The following MAST2 variants were observed in gnomAD, a reference collection of about 807,000 sequenced individuals.
MAST2 encodes microtubule associated serine/threonine kinase 2, also known as microtubule-associated serine/threonine-protein kinase 2.
A neutral mutation model predicts 147.4 loss-of-function variants in MAST2; 70 were observed. That is an observed-to-expected ratio of 0.47 (90% CI 0.39 to 0.58). MAST2 has a LOEUF of 0.58. Ranked by LOEUF, MAST2 falls within the 20% of genes least tolerant of loss-of-function variation. MAST2 has a pLI of 0.00. For synonymous variants in MAST2, 869 were observed against 896.8 expected (o/e 0.97, Z 0.55); for missense variants, 2,080 against 2,302.3 (o/e 0.90, Z 1.98).
chr1:46,006,595 C>CA, intron 8 of MAST2, 200 bp downstream of exon 8: 1 of 389,642 alleles, frequency 2.6e-6, no homozygotes, highest in South Asian at 1.3e-4. Context: ...ACTTTATTTA[C>CA]AAAAGAAAAA....
intron 26 of MAST2, 118 bp downstream of exon 26, chr1:46,032,836 T>C: frequency 7.1e-7 from 1 of 1,398,910 alleles, no homozygotes; most frequent in Non-Finnish European, 9.7e-7. Flanking sequence ...AGTATGGATG[T>C]AGGTACACAC....
intron 4 of MAST2, among the ~76,000 whole-genome samples, chr1:45,896,558 G>A (rs1366924210): frequency 1.3e-5 from 2 of 152,112 alleles, no homozygotes; most frequent in Non-Finnish European, 2.9e-5. Flanking sequence ...TGCCCCAGGT[G>A]TAGGGTGGAA....
At chr1:46,034,468 C>G (rs190232466) in intron 28 of MAST2, 70 bp from the exon 29 acceptor site, 20 of 1,490,510 alleles carry the variant, frequency 1.3e-5, no homozygotes, top group Non-Finnish European at 1.8e-5. Context: ...CCCTGTCTTG[C>G]CCTTGAGTCA....
chr1:45,989,692 CAGAGT>C lies in MAST2; in HGVS notation c.593-8028_593-8024del, dbSNP rs1644785515. On this transcript the variant is annotated intron_variant, in intron 5 of 28. Transcript: ENST00000361297. ...ACGTATCTGCCACTACAGTATCATACAGAGTAGATTTATTTCCCTAAAATAGTGCA... is the reference window on the plus strand; with the variant it reads ...ACGTATCTGCCACTACAGTATCATACAGATTTATTTCCCTAAAATAGTGCA... Among the ~76,000 whole-genome samples, 3 of 152,156 alleles carry C rather than the reference CAGAGT, an allele frequency of 2.0e-5. No individual in the cohort carries two copies. The South Asian group carries it at 6.2e-4, about 32-fold the overall frequency.
chr1:46,021,601 G>C (rs540126726), intron 11 of MAST2, among the ~76,000 whole-genome samples: 1 of 152,162 alleles, frequency 6.6e-6, no homozygotes, highest in African/African-American at 2.4e-5. Context: ...GTGTGTGCCA[G>C]GACAGCTGTG....
chr1:46,025,753 T>C lies in MAST2; in HGVS notation c.1857T>C (p.Thr619=). 2 of 1,614,222 alleles carry C rather than the reference T, an allele frequency of 1.2e-6. No individual in the cohort carries two copies. Among genetic ancestry groups the C allele is most frequent in the Non-Finnish European group, 1.7e-6 (2 of 1,180,028 alleles). The change falls in exon 16 of 29, where the codon ACT becomes ACC. Residue 619 remains threonine, a synonymous_variant. Coordinates refer to ENST00000361297, the MANE Select transcript of MAST2 (RefSeq NM_015112.3). ...TGGTGCGTCTATACTTTGCGGAAAC[T>C]GTGCTGGCCCTGGAGTACTTACACA... ...VDMVRLYFAE[T]VLALEYLHNY... is the part of the protein sequence containing the mutation.
intron 3 of MAST2, among the ~76,000 whole-genome samples, chr1:45,843,682 A>G (rs1645343931): frequency 6.6e-6 from 1 of 152,244 alleles, no homozygotes; most frequent in Admixed American, 6.5e-5. Flanking sequence ...TATTCAACTT[A>G]GATAAGAACT....
chr1:45,992,132 C>G (rs148562515), intron 5 of MAST2, among the ~76,000 whole-genome samples: 2 of 152,056 alleles, frequency 1.3e-5, no homozygotes, highest in African/African-American at 4.8e-5. Context: ...AGAAAAAATA[C>G]CCGGATTCTC....
intron 3 of MAST2, among the ~76,000 whole-genome samples, chr1:45,858,963 G>A (rs78271836): frequency 3.3e-5 from 5 of 152,160 alleles, no homozygotes; most frequent in East Asian, 3.9e-4. Context: ...TGTTCCATTG[G>A]TCTATATCTC....
intron 2 of MAST2, among the ~76,000 whole-genome samples, chr1:45,827,603 A>T (rs1490061196): frequency 6.6e-6 from 1 of 152,180 alleles, no homozygotes; most frequent in Admixed American, 6.5e-5. Flanking sequence ...GAAGGCAGGC[A>T]GGCTCTACTC....
intron 3 of MAST2, among the ~76,000 whole-genome samples, chr1:45,860,056 C>T (rs1317926343): frequency 6.6e-6 from 1 of 152,028 alleles, no homozygotes; most frequent in Non-Finnish European, 1.5e-5. Flanking sequence ...AGCATATCCA[C>T]ATTGATAAAA....
intron 4 of MAST2, among the ~76,000 whole-genome samples, chr1:45,947,991 C>T (rs1658334276): frequency 6.6e-6 from 1 of 152,224 alleles, no homozygotes; most frequent in Non-Finnish European, 1.5e-5. Flanking sequence ...GCTGGGATTA[C>T]AGGCATGAGC....
At chr1:45,981,862 A>G (rs1312263052) in intron 5 of MAST2, among the ~76,000 whole-genome samples, 3 of 100,638 alleles carry the variant, frequency 3.0e-5, no homozygotes, top group East Asian at 6.5e-4. Context: ...TTTTTTTTTG[A>G]AAGAGTCTTG....
chr1:45,920,447 T>G (rs1188173533), intron 4 of MAST2, among the ~76,000 whole-genome samples: 1 of 152,216 alleles, frequency 6.6e-6, no homozygotes, highest in African/African-American at 2.4e-5. Context: ...TTTGCATGTT[T>G]CCCATCGGTC....
In MAST2 at chr1:45,838,519, A is replaced by G. The variant is rs113898427; in HGVS notation, c.468+8938A>G. Reference sequence around the variant, plus strand: ...ATTACAGGTGTCAGCCAATGCGCCCAGTCAGCTATTTTTATATATATACAT... The same window carrying G: ...ATTACAGGTGTCAGCCAATGCGCCCGGTCAGCTATTTTTATATATATACAT... On this transcript the variant is annotated intron_variant, in intron 3 of 28. Transcript: ENST00000361297. 6.5e-3 allele frequency among the ~76,000 whole-genome samples: 991 copies of G among 152,218 alleles called. 11 individuals carry two copies. The highest frequency in any genetic ancestry group is 0.023 in the African/African-American group (948 of 41,540).
At chr1:46,016,834 C>A (rs1645968228) in intron 10 of MAST2, among the ~76,000 whole-genome samples, 1 of 152,126 alleles carries the variant, frequency 6.6e-6, no homozygotes, top group Non-Finnish European at 1.5e-5. Flanking sequence ...CTTTAAAGTT[C>A]ATATGGAACC....
chr1:45,853,714 CTCTT>C (rs1395282553), intron 3 of MAST2, among the ~76,000 whole-genome samples: 1 of 151,488 alleles, frequency 6.6e-6, no homozygotes, highest in East Asian at 1.9e-4. Flanking sequence ...TGTGTACAAT[CTCTT>C]TTTTTTTTCA....
At chr1:45,819,281 A>G (rs1644549481) in intron 1 of MAST2, among the ~76,000 whole-genome samples, 2 of 152,020 alleles carry the variant, frequency 1.3e-5, no homozygotes, top group Admixed American at 1.3e-4. Context: ...AATGTATTCC[A>G]ATATCAGATG....
chr1:45,818,101 G>A (rs1038396968), intron 1 of MAST2, among the ~76,000 whole-genome samples: 31 of 152,266 alleles, frequency 2.0e-4, no homozygotes, highest in African/African-American at 7.2e-4. Flanking sequence ...AGCCCAATTC[G>A]TTCACTTGTT....
Sources: allele counts gnomAD v4.1 joint callset (sites outside exome capture counted in the v4.1 genomes callset), GRCh38; gene constraint gnomAD v4.1.1; transcripts MANE v1.5; gene names NCBI Gene and HGNC (gene_info 2026-07-23, HGNC 2026-07-21).